LHX8: variants seen among roughly 807,000 people sequenced by gnomAD.
LHX8 encodes LIM/homeobox protein Lhx8.
A neutral mutation model predicts 40.3 loss-of-function variants in LHX8; 12 were observed. The ratio of observed to expected loss-of-function variants is 0.30; its 90% CI spans 0.19 to 0.48. The LOEUF (loss-of-function observed/expected upper bound fraction) is 0.48. LHX8 is among the 20% of genes least tolerant of loss of function. LHX8 has a pLI of 0.99. For synonymous variants in LHX8, 179 were observed against 162.0 expected, an observed-to-expected ratio of 1.10 and a Z score of -0.80; for missense variants, 344 against 433.7, an observed-to-expected ratio of 0.79 and a Z score of 1.84.
chr1:75,170,954 T>G, the LHX8 span, among the ~76,000 whole-genome samples: 1 of 152,212 alleles, frequency 6.6e-6, no homozygotes, highest in Non-Finnish European at 1.5e-5. Flanking sequence ...CATTCCCACT[T>G]TACAGATGAT....
downstream of LHX8, among the ~76,000 whole-genome samples, chr1:75,161,966 T>TA (rs765648018): frequency 6.6e-6 from 1 of 152,170 alleles, no homozygotes; most frequent in African/African-American, 2.4e-5. Context: ...GCAGTGGACT[T>TA]ACAAATTTTT....
chr1:75,188,697 A>T, the LHX8 span, among the ~76,000 whole-genome samples: 3 of 152,130 alleles, frequency 2.0e-5, no homozygotes, highest in Admixed American at 1.3e-4. Flanking sequence ...CGGAAAATTA[A>T]CCTACGTTGA....
intron 7 of LHX8, among the ~76,000 whole-genome samples, chr1:75,152,621 A>G (rs1219368887): frequency 6.6e-6 from 1 of 152,216 alleles, no homozygotes; most frequent in Non-Finnish European, 1.5e-5. Context: ...CTTGTTCAAT[A>G]GTTTCCTCAG....
Position 75,161,136 on chromosome 1 carries a change from G to A in LHX8, c.*241G>A. ...AATCAAAACATTTTTTGTATTGTCT[G>A]GAAATAGTTCACTCTAGTGTGTATC... On this transcript the variant is annotated 3_prime_UTR_variant, in exon 9 of 9. Coordinates refer to ENST00000356261, the MANE Select transcript of LHX8 (RefSeq NM_001256114.2). The A allele has an allele frequency of 4.0e-6, 2 of 496,138 alleles. No individual in the cohort carries two copies. Among genetic ancestry groups the A allele is most frequent in the East Asian group, 3.8e-5 (1 of 26,602 alleles). The allele number at this position is 496,138 out of a possible 1,614,324, so 30.7% of individuals were successfully genotyped here. A position where few individuals can be genotyped will look rare whatever the true frequency, so the allele number is the denominator to read the frequency against.
At chr1:75,141,490 G>T (rs1426097262) in intron 4 of LHX8, among the ~76,000 whole-genome samples, 1 of 152,052 alleles carries the variant, frequency 6.6e-6, no homozygotes, top group African/African-American at 2.4e-5. Context: ...GAAAAATCAA[G>T]ATTTTGTTAT....
chr1:75,175,280 G>A, the LHX8 span, among the ~76,000 whole-genome samples: 1 of 152,310 alleles, frequency 6.6e-6, no homozygotes, highest in African/African-American at 2.4e-5. Context: ...GTGTGCAAAT[G>A]TCTTTTTCAT....
chr1:75,132,756 A>AACACACACACACACACACAC (rs373753523), upstream of LHX8: 1 of 146,048 alleles, frequency 6.8e-6, no homozygotes, highest in Non-Finnish European at 1.5e-5. Flanking sequence ...TTTAAACCCT[A>AACACACACACACACACACAC]ACACACACAC....
intron 4 of LHX8, among the ~76,000 whole-genome samples, chr1:75,141,880 A>G (rs554353304): frequency 2.6e-5 from 4 of 152,160 alleles, no homozygotes; most frequent in Non-Finnish European, 4.4e-5. Flanking sequence ...CTATATAATA[A>G]AGGCTGTAAT....
At chr1:75,175,753 G>C in the LHX8 span, among the ~76,000 whole-genome samples, 1 of 151,898 alleles carries the variant, frequency 6.6e-6, no homozygotes, top group Non-Finnish European at 1.5e-5. Context: ...TACATGTTCT[G>C]TGTTGGTTTG....
intron 6 of LHX8, among the ~76,000 whole-genome samples, chr1:75,145,113 A>G (rs1021701231): frequency 1.3e-5 from 2 of 152,176 alleles, no homozygotes; most frequent in African/African-American, 4.8e-5. Context: ...TAATTTAGGC[A>G]TAAAGTACAT....
At chr1:75,188,863 T>A in the LHX8 span, among the ~76,000 whole-genome samples, 1 of 152,208 alleles carries the variant, frequency 6.6e-6, no homozygotes, top group Admixed American at 6.5e-5. Flanking sequence ...TCAGCCCCAC[T>A]ATCAGACTTT....
intron 3 of LHX8, among the ~76,000 whole-genome samples, chr1:75,139,724 G>C (rs1648260105): frequency 6.6e-6 from 1 of 152,034 alleles, no homozygotes; most frequent in Non-Finnish European, 1.5e-5. Flanking sequence ...AAAACTTTTT[G>C]AATGTCATCA....
the LHX8 span, among the ~76,000 whole-genome samples, chr1:75,173,686 A>T: frequency 1.3e-5 from 2 of 152,014 alleles, no homozygotes; most frequent in Non-Finnish European, 2.9e-5. Context: ...CCAGCCCAGG[A>T]TATATACTGT....
the LHX8 span, among the ~76,000 whole-genome samples, chr1:75,186,760 C>G: frequency 6.6e-6 from 1 of 152,050 alleles, no homozygotes; most frequent in East Asian, 1.9e-4. Flanking sequence ...CATACATGCA[C>G]TCAGGAAATA....
At chr1:75,188,156 C>G in the LHX8 span, among the ~76,000 whole-genome samples, 1 of 151,994 alleles carries the variant, frequency 6.6e-6, no homozygotes, top group Non-Finnish European at 1.5e-5. Flanking sequence ...TTTTAAATTA[C>G]TGTTTTGTTG....
intron 6 of LHX8, 142 bp from the exon 7 acceptor site, chr1:75,148,445 C>T (rs1648521199): frequency 2.9e-6 from 2 of 687,594 alleles, no homozygotes; most frequent in South Asian, 3.2e-5. Context: ...TTTTCACTTA[C>T]CCATATTTCC....
the LHX8 span, among the ~76,000 whole-genome samples, chr1:75,180,906 C>T: frequency 2.0e-5 from 3 of 152,124 alleles, no homozygotes; most frequent in South Asian, 4.2e-4. Context: ...GATGTTGATG[C>T]TATTCCTTTC....
chr1:75,142,984 T>C (rs1383934804), intron 4 of LHX8, 134 bp from the exon 5 acceptor site: 3 of 727,578 alleles, frequency 4.1e-6, no homozygotes, highest in Non-Finnish European at 7.1e-6. Flanking sequence ...TAATTGATTC[T>C]TGTTTCATTC....
intron 7 of LHX8, among the ~76,000 whole-genome samples, chr1:75,154,653 A>T (rs1197783359): frequency 1.3e-5 from 2 of 152,116 alleles, no homozygotes; most frequent in African/African-American, 4.8e-5. Flanking sequence ...GACTAGTGTT[A>T]GTAGTGACAT....
Sources: gnomAD v4.1 joint callset for allele counts (sites outside exome capture counted in the v4.1 genomes callset) on GRCh38, gnomAD v4.1.1 for gene constraint, MANE v1.5 for transcripts, NCBI Gene and HGNC (gene_info 2026-07-23, HGNC 2026-07-21) for gene names.